ZNF423: variants seen among roughly 807,000 people sequenced by gnomAD.
ZNF423 encodes zinc finger protein 423.
Under a neutral mutation model 95.8 loss-of-function variants are expected in ZNF423, and 12 were observed. The observed-to-expected ratio is 0.13, with a 90% CI of 0.08 to 0.20. The LOEUF (loss-of-function observed/expected upper bound fraction) is 0.20, where lower values mean the gene tolerates loss of function less well. Among genes scored for constraint, ZNF423 ranks in the 10% least tolerant of loss-of-function variants. The probability of loss-of-function intolerance (pLI) is 1.00; values close to 1 mark genes in which losing one functional copy is unlikely to be tolerated. For missense variants in ZNF423, 1,316 were observed against 1,737.1 expected (o/e 0.76, Z 4.31); for synonymous variants, 749 against 711.9 (o/e 1.05, Z -0.83).
At chr16:49,510,682 G>A (rs894573933) in intron 7 of ZNF423, among the ~76,000 whole-genome samples, 5 of 152,212 alleles carry the variant, frequency 3.3e-5, no homozygotes, top group African/African-American at 7.2e-5. Context: ...CTTCCCGTGT[G>A]AGAGGCTCCC....
rs1966935760 is a variant in ZNF423 at position 49,491,037 on chromosome 16, G to A, written c.*238C>T. ...CTAGAAATGTAGTCTGCGGCGGAAA[G>A]TCTAAAAGCACACTAGCTGTAGCAG... On this transcript the variant is annotated 3_prime_UTR_variant, in exon 8 of 8. Transcript: ENST00000563137. The A allele has an allele frequency of 3.6e-6, 2 of 552,134 alleles. No individual in the cohort carries two copies. The highest frequency in any genetic ancestry group is 6.5e-6 in the Non-Finnish European group (2 of 308,358). 34.2% of individuals were successfully genotyped at this position (552,134 alleles called of 1,614,324 possible). A position where few individuals can be genotyped will look rare whatever the true frequency, so the allele number is the denominator to read the frequency against.
Position 49,637,992 on chromosome 16 carries a change from G to T in ZNF423, c.1184C>A (p.Thr395Asn), listed in dbSNP as rs1213113235. 3 of 1,614,114 alleles carry T rather than the reference G, an allele frequency of 1.9e-6. No individual in the cohort carries two copies. Among genetic ancestry groups the T allele is most frequent in the Non-Finnish European group, 2.5e-6 (3 of 1,180,052 alleles). ...CTTCTGCCCCCGCAGCGGCTTCAAG[G>T]TGGAGTCCGGGGTGGAGCCACGCTC... ...SVERGSTPDS[T>N]LKPLRGQKKM... The change falls in exon 4 of 8, where the codon ACC (threonine) becomes AAC (asparagine). Residue 395 changes from threonine (T) to asparagine (N), a missense_variant. Around this residue, in one of 6 missense-constraint regions of ZNF423, gnomAD observed 399 missense variants for 478.5 expected, o/e 0.83. Transcript: ENST00000563137. This position sits in a 1 kb window ranked among gnomAD's most constrained non-coding sequence, Gnocchi z 5.6.
chr16:49,817,414 C>G (rs184942754), intron 1 of ZNF423, among the ~76,000 whole-genome samples: 4 of 152,336 alleles, frequency 2.6e-5, no homozygotes, highest in African/African-American at 9.6e-5. Context: ...CTGGGCCCAT[C>G]CTGGGCTTCC....
chr16:49,654,337 G>C (rs958283277), intron 3 of ZNF423, among the ~76,000 whole-genome samples: 11 of 152,226 alleles, frequency 7.2e-5, no homozygotes, highest in African/African-American at 2.7e-4. Context: ...GTGGTCTCCT[G>C]CATGGCTAAG....
chr16:49,584,580 A>T (rs1160398498), intron 5 of ZNF423, among the ~76,000 whole-genome samples: 1 of 152,158 alleles, frequency 6.6e-6, no homozygotes, highest in Non-Finnish European at 1.5e-5. Context: ...ACAGTTCTGG[A>T]GGCTGGAAGT....
At chr16:49,800,515 G>A (rs957598812) in intron 1 of ZNF423, among the ~76,000 whole-genome samples, 6 of 152,084 alleles carry the variant, frequency 3.9e-5, no homozygotes, top group African/African-American at 1.4e-4. Context: ...AACAGCGAGG[G>A]TTAAAATCTT....
chr16:49,777,661 T>C (rs1447528175), intron 2 of ZNF423, among the ~76,000 whole-genome samples: 1 of 152,144 alleles, frequency 6.6e-6, no homozygotes, highest in African/African-American at 2.4e-5. Context: ...TCCCAGGCAC[T>C]GTGAATTAGC....
At chr16:49,634,364 C>T (rs1475536980) in intron 4 of ZNF423, among the ~76,000 whole-genome samples, 1 of 152,178 alleles carries the variant, frequency 6.6e-6, no homozygotes, top group East Asian at 1.9e-4. Flanking sequence ...TATTTTCATT[C>T]AAGTTGTCCT....
intron 5 of ZNF423, among the ~76,000 whole-genome samples, chr16:49,587,997 T>C (rs1156943089): frequency 3.3e-5 from 5 of 152,168 alleles, no homozygotes; most frequent in Non-Finnish European, 7.3e-5. Flanking sequence ...CTTAGGAATT[T>C]GCACATCTAT....
chr16:49,747,815 G>GAAT (rs1179746483), intron 2 of ZNF423, among the ~76,000 whole-genome samples: 2 of 152,256 alleles, frequency 1.3e-5, no homozygotes, highest in Non-Finnish European at 2.9e-5. Context: ...CGCTTTCTCA[G>GAAT]AATCTGTGAC....
intron 5 of ZNF423, among the ~76,000 whole-genome samples, chr16:49,533,288 C>T (rs934938509): frequency 2.6e-5 from 4 of 152,106 alleles, no homozygotes; most frequent in African/African-American, 7.2e-5. Context: ...ATTCGGGGAA[C>T]GAAGGCTAAG....
intron 3 of ZNF423, among the ~76,000 whole-genome samples, chr16:49,721,010 C>T (rs1366101663): frequency 6.6e-6 from 1 of 152,248 alleles, no homozygotes; most frequent in African/African-American, 2.4e-5. Flanking sequence ...TCCATTGTCA[C>T]TGCTGAGTCG....
intron 5 of ZNF423, among the ~76,000 whole-genome samples, chr16:49,561,259 C>T (rs1286904613): frequency 3.9e-5 from 6 of 152,100 alleles, no homozygotes; most frequent in African/African-American, 1.2e-4. Context: ...CCACAGAAAT[C>T]GGCAAAGGCT....
intron 5 of ZNF423, among the ~76,000 whole-genome samples, chr16:49,549,333 C>T (rs796347256): frequency 3.5e-4 from 54 of 152,278 alleles, no homozygotes; most frequent in African/African-American, 1.3e-3. Context: ...ACCCTGCCTG[C>T]ACCCCCCAGA....
intron 3 of ZNF423, among the ~76,000 whole-genome samples, chr16:49,715,640 G>A (rs2032682802): frequency 6.6e-6 from 1 of 152,134 alleles, no homozygotes; most frequent in Admixed American, 6.5e-5. Flanking sequence ...AGCTACTGGG[G>A]AGGCTGAGGT....
intron 5 of ZNF423, among the ~76,000 whole-genome samples, chr16:49,577,631 G>C (rs1282729916): frequency 1.3e-5 from 2 of 152,194 alleles, no homozygotes; most frequent in Admixed American, 1.3e-4. Flanking sequence ...CAGCAGGTAA[G>C]TGCAGGAGGA....
At chr16:49,628,240 T>A (rs1972374608) in intron 4 of ZNF423, among the ~76,000 whole-genome samples, 1 of 147,578 alleles carries the variant, frequency 6.8e-6, no homozygotes, top group Non-Finnish European at 1.5e-5. Flanking sequence ...CACACACCCA[T>A]CCACCCATAC....
chr16:49,660,517 G>A (rs2030156719), intron 3 of ZNF423, among the ~76,000 whole-genome samples: 2 of 152,236 alleles, frequency 1.3e-5, no homozygotes. Flanking sequence ...AAGCCAGGGA[G>A]TATATAAGCC....
intron 3 of ZNF423, among the ~76,000 whole-genome samples, chr16:49,718,837 A>G (rs543082808): frequency 5.9e-5 from 9 of 152,190 alleles, no homozygotes; most frequent in East Asian, 1.9e-4. Context: ...CACCTCCTAC[A>G]GGCCCACTGC....
Sources: allele counts gnomAD v4.1 joint callset (sites outside exome capture counted in the v4.1 genomes callset), GRCh38; gene constraint gnomAD v4.1.1; regional missense constraint gnomAD v4.1.1; non-coding constraint Gnocchi (gnomAD v3.1); transcripts MANE v1.5; gene names NCBI Gene and HGNC (gene_info 2026-07-23, HGNC 2026-07-21).